The following RAB38 variants were observed in gnomAD, a reference collection of about 807,000 sequenced individuals.
RAB38 encodes ras-related protein Rab-38.
A neutral mutation model predicts 18.4 loss-of-function variants in RAB38; 15 were observed. The ratio of observed to expected loss-of-function variants is 0.82; its 90% CI spans 0.55 to 1.26. The LOEUF (loss-of-function observed/expected upper bound fraction) is 1.26. RAB38 is among the 50% of genes most tolerant of loss of function. The pLI is 0.00. For missense variants in RAB38, 294 were observed against 267.4 expected (o/e 1.10, Z -0.69); for synonymous variants, 101 against 104.4 (o/e 0.97, Z 0.20).
At chr11:87,949,557 T>C in the RAB38 span, among the ~76,000 whole-genome samples, 16 of 152,340 alleles carry the variant, frequency 1.1e-4, no homozygotes, top group Admixed American at 4.6e-4. Context: ...ACACACTGCT[T>C]TGAATGTGTC....
At chr11:88,026,523 AC>A in the RAB38 span, among the ~76,000 whole-genome samples, 2 of 138,098 alleles carry the variant, frequency 1.4e-5, no homozygotes, top group Non-Finnish European at 3.0e-5. Flanking sequence ...AGATCGCTCC[AC>A]TGCACTCCAG....
the RAB38 span, among the ~76,000 whole-genome samples, chr11:87,847,356 A>G: frequency 2.6e-5 from 4 of 152,154 alleles, no homozygotes. Context: ...AGAACAAAGA[A>G]TATTATAAAC....
At chr11:87,847,309 T>A in the RAB38 span, among the ~76,000 whole-genome samples, 1 of 152,104 alleles carries the variant, frequency 6.6e-6, no homozygotes, top group Non-Finnish European at 1.5e-5. Context: ...GAATGCTTAA[T>A]GTGTAGGATT....
At chr11:87,976,562 A>C in the RAB38 span, among the ~76,000 whole-genome samples, 1 of 120,710 alleles carries the variant, frequency 8.3e-6, no homozygotes, top group Non-Finnish European at 1.6e-5. Context: ...ATACTTATAT[A>C]ACTATACAAT....
chr11:88,150,049 T>C, intron 1 of RAB38, 94 bp from the exon 2 acceptor site: 3 of 1,295,036 alleles, frequency 2.3e-6, no homozygotes, highest in Non-Finnish European at 3.2e-6. Flanking sequence ...AGCAAGTCAA[T>C]CAGTAAAGTG....
the RAB38 span, among the ~76,000 whole-genome samples, chr11:87,924,408 C>A: frequency 6.6e-6 from 1 of 151,998 alleles, no homozygotes; most frequent in Non-Finnish European, 1.5e-5. Flanking sequence ...AATATCTCAG[C>A]TGATGCAACA....
At chr11:87,835,616 C>T in the RAB38 span, among the ~76,000 whole-genome samples, 8 of 152,012 alleles carry the variant, frequency 5.3e-5, no homozygotes, top group African/African-American at 1.9e-4. Context: ...ATGACTGCTA[C>T]CCTTATAAGA....
the RAB38 span, among the ~76,000 whole-genome samples, chr11:87,814,287 T>C: frequency 6.6e-6 from 1 of 152,200 alleles, no homozygotes; most frequent in African/African-American, 2.4e-5. Flanking sequence ...TTTTATGTAC[T>C]ATGTAATACT....
chr11:87,941,212 G>T, the RAB38 span, among the ~76,000 whole-genome samples: 31 of 37,790 alleles, frequency 8.2e-4, no homozygotes, highest in Admixed American at 1.2e-3. Context: ...ATAAATATAT[G>T]AGATATATAT....
chr11:87,831,019 C>T, the RAB38 span, among the ~76,000 whole-genome samples: 564 of 152,210 alleles, frequency 3.7e-3, 2 homozygotes, highest in African/African-American at 0.013. Context: ...GTTACCCAGG[C>T]TGGTCTCAAA....
At chr11:88,034,364 A>G in the RAB38 span, among the ~76,000 whole-genome samples, 1 of 152,244 alleles carries the variant, frequency 6.6e-6, no homozygotes, top group Non-Finnish European at 1.5e-5. Flanking sequence ...TATGGCATAA[A>G]TGCCCAAGAA....
the RAB38 span, among the ~76,000 whole-genome samples, chr11:87,875,828 A>T: frequency 6.6e-6 from 1 of 151,710 alleles, no homozygotes; most frequent in African/African-American, 2.4e-5. Context: ...CTTCTATTCA[A>T]CAACCTTGCT....
At chr11:88,039,883 T>C in the RAB38 span, among the ~76,000 whole-genome samples, 1 of 152,176 alleles carries the variant, frequency 6.6e-6, no homozygotes, top group Non-Finnish European at 1.5e-5. Context: ...CCAGTAAAGA[T>C]GTCTTTGCTG....
the RAB38 span, among the ~76,000 whole-genome samples, chr11:88,004,751 G>C: frequency 1.3e-5 from 2 of 151,110 alleles, 1 homozygote; most frequent in Admixed American, 1.3e-4. Context: ...TAAACTCAAA[G>C]GAAATAAAAC....
At chr11:87,975,844 C>G in the RAB38 span, among the ~76,000 whole-genome samples, 1 of 150,666 alleles carries the variant, frequency 6.6e-6, no homozygotes, top group African/African-American at 2.4e-5. Context: ...CAAGACTGAC[C>G]AAAGAAAAAA....
the RAB38 span, among the ~76,000 whole-genome samples, chr11:87,878,222 T>TATATATATATATATACAC: frequency 2.7e-3 from 309 of 116,162 alleles, 23 homozygotes; most frequent in African/African-American, 0.013. Context: ...TATATATATA[T>TATATATATATATATACAC]ACACACATAT....
At chr11:88,094,552 T>A in the RAB38 span, among the ~76,000 whole-genome samples, 1 of 151,930 alleles carries the variant, frequency 6.6e-6, no homozygotes, top group South Asian at 2.1e-4. Context: ...GTCTCCACTT[T>A]CCTCCTAATC....
At chr11:88,027,473 G>A in the RAB38 span, among the ~76,000 whole-genome samples, 9 of 152,192 alleles carry the variant, frequency 5.9e-5, no homozygotes, top group African/African-American at 1.7e-4. Flanking sequence ...CCTAGTCAAA[G>A]AAAGGGGTGA....
At chr11:88,102,942 GAT>G in the RAB38 span, among the ~76,000 whole-genome samples, 2 of 152,006 alleles carry the variant, frequency 1.3e-5, no homozygotes, top group East Asian at 3.9e-4. Flanking sequence ...ACTAGATTCT[GAT>G]ATGTCATTCC....
Sources: gnomAD v4.1 joint callset for allele counts (sites outside exome capture counted in the v4.1 genomes callset) on GRCh38, gnomAD v4.1.1 for gene constraint, MANE v1.5 for transcripts, NCBI Gene and HGNC (gene_info 2026-07-23, HGNC 2026-07-21) for gene names.